The following MZT2B variants were observed in gnomAD, a reference collection of about 807,000 sequenced individuals.
The protein encoded by MZT2B is mitotic spindle organizing protein 2B.
A neutral mutation model predicts 12.1 loss-of-function variants in MZT2B; 11 were observed. The observed-to-expected ratio is 0.91, with a 90% CI of 0.57 to 1.50. The LOEUF (loss-of-function observed/expected upper bound fraction) is 1.50, where lower values mean the gene tolerates loss of function less well. MZT2B is among the 40% of genes most tolerant of loss of function. MZT2B has a pLI of 0.00. For missense variants in MZT2B, 209 were observed against 227.7 expected, an observed-to-expected ratio of 0.92 and a Z score of 0.53; for synonymous variants, 85 against 109.5, an observed-to-expected ratio of 0.78 and a Z score of 1.40.
chr2:130,191,761 T>C (rs931316421), downstream of MZT2B: 2 of 1,559,792 alleles, frequency 1.3e-6, no homozygotes, highest in African/African-American at 2.7e-5. Context: ...TTATACAGAA[T>C]CTTTAATTGC....
chr2:130,194,911 C>T (rs143628877), downstream of MZT2B, among the ~76,000 whole-genome samples: 104 of 152,274 alleles, frequency 6.8e-4, no homozygotes, highest in African/African-American at 2.4e-3. Context: ...CTCCTGACCT[C>T]AGGTAATCCA....
At chr2:130,181,746 A>G (rs1200684827), upstream of MZT2B, 1 of 1,547,964 alleles carries the variant, frequency 6.5e-7, no homozygotes, top group East Asian at 2.4e-5. Flanking sequence ...CGGGGGAGGG[A>G]GTGGTCCTTA....
chr2:130,182,575 G>T, intron 1 of MZT2B, 52 bp from the exon 2 acceptor site: 1 of 1,564,452 alleles, frequency 6.4e-7, no homozygotes, highest in Non-Finnish European at 8.6e-7. Context: ...CTTCAGGGAG[G>T]TGGCCGCGCC....
At chr2:130,181,854 C>T (rs746715754), upstream of MZT2B, 20 of 1,485,756 alleles carry the variant, frequency 1.3e-5, no homozygotes, top group African/African-American at 1.8e-5. Flanking sequence ...TTGATTAGTG[C>T]CCCCCCCTTC....
chr2:130,196,136 C>T, the MZT2B span: 1 of 1,606,576 alleles, frequency 6.2e-7, no homozygotes, highest in South Asian at 1.1e-5. Flanking sequence ...CCATCCAGTG[C>T]CCAGGCACCT....
downstream of MZT2B, chr2:130,194,124 C>T: frequency 3.1e-6 from 5 of 1,614,110 alleles, no homozygotes; most frequent in Non-Finnish European, 4.2e-6. Flanking sequence ...CGCAGGGAGG[C>T]CGTGATGGAG....
At chr2:130,193,538 G>A (rs1465675483), downstream of MZT2B, among the ~76,000 whole-genome samples, 2 of 150,858 alleles carry the variant, frequency 1.3e-5, no homozygotes, top group East Asian at 3.9e-4. Context: ...GAACCCGGGA[G>A]GCAGAGGTTG....
the MZT2B span, among the ~76,000 whole-genome samples, chr2:130,201,053 A>G: frequency 6.6e-6 from 1 of 152,240 alleles, no homozygotes; most frequent in Non-Finnish European, 1.5e-5. Context: ...CCCTCCTGAG[A>G]GGAGAGCAGA....
At chr2:130,198,121 C>T in the MZT2B span, among the ~76,000 whole-genome samples, 301 of 122,758 alleles carry the variant, frequency 2.5e-3, 66 homozygotes, top group African/African-American at 8.3e-3. Flanking sequence ...GACGGGATAC[C>T]GTCAATGGTC....
chr2:130,192,381 C>T (rs887606812), downstream of MZT2B, among the ~76,000 whole-genome samples: 2 of 152,184 alleles, frequency 1.3e-5, no homozygotes, highest in African/African-American at 4.8e-5. Flanking sequence ...GTACCTGTGA[C>T]ATGTGATAGG....
At chr2:130,200,413 A>G in the MZT2B span, among the ~76,000 whole-genome samples, 1 of 151,734 alleles carries the variant, frequency 6.6e-6, no homozygotes, top group African/African-American at 2.4e-5. Flanking sequence ...AAAGCTATTT[A>G]TTGTCTCTAC....
At chr2:130,198,676 C>A in the MZT2B span, among the ~76,000 whole-genome samples, 3 of 123,544 alleles carry the variant, frequency 2.4e-5, no homozygotes, top group Non-Finnish European at 3.6e-5. Flanking sequence ...ATTGGAACAG[C>A]TACTGCGCTG....
chr2:130,182,736 G>A lies in MZT2B; in HGVS notation c.280G>A (p.Ala94Thr). The A allele has an allele frequency of 6.5e-7, 1 of 1,528,892 alleles. No homozygotes were observed. Among genetic ancestry groups the A allele is most frequent in the African/African-American group, 1.4e-5 (1 of 72,802 alleles). The allele number at this position is 1,528,892 out of a possible 1,614,324, so 94.7% of individuals were successfully genotyped here. ...RLASEPQDPA[A>T]VSLPTSSVPE... is the part of the protein sequence containing the mutation. ...AGCGAGCGAGCCCCAGGACCCTGCG[G>A]CCGTGTCTCTGCCCACGTCGAGCGT... is the stretch of plus-strand genomic sequence containing the variant. The change falls in exon 2 of 3, where the codon GCC (alanine) becomes ACC (threonine). Residue 94 changes from alanine to threonine, a missense_variant. Coordinates refer to ENST00000281871, the MANE Select transcript of MZT2B (RefSeq NM_025029.5).
downstream of MZT2B, chr2:130,191,912 G>T: frequency 1.9e-6 from 3 of 1,614,058 alleles, no homozygotes; most frequent in Non-Finnish European, 2.5e-6. Flanking sequence ...GAGCTGCCAG[G>T]TCCTCGCGGG....
At chr2:130,194,942 T>C, downstream of MZT2B, 2 of 1,490,968 alleles carry the variant, frequency 1.3e-6, no homozygotes, top group South Asian at 2.6e-5. Flanking sequence ...CCTCTCAAAG[T>C]GCTGGGATTA....
the MZT2B span, among the ~76,000 whole-genome samples, chr2:130,201,216 G>A: frequency 1.3e-5 from 2 of 152,216 alleles, no homozygotes; most frequent in African/African-American, 4.8e-5. Context: ...ACGGAGTTCT[G>A]CCGACAGCTG....
At position 130,184,844 on chromosome 2, in the gene MZT2B, T is replaced by A. The variant is rs534154831; in HGVS notation, c.319+2069T>A. 157 of 985,212 alleles carry A rather than the reference T, an allele frequency of 1.6e-4. No individual in the cohort carries two copies. In the African/African-American group the frequency reaches 2.7e-3, roughly 17 times the overall value. The allele number at this position is 985,212 out of a possible 1,614,324, so 61.0% of individuals were successfully genotyped here. ...TGGCAGGGAAGTGAGATGATCACAC[T>A]CAGAGCCCAGTGAGAGGCAGTGAGG... On this transcript the variant is annotated intron_variant, in intron 2 of 2. Coordinates refer to ENST00000281871, the MANE Select transcript of MZT2B (RefSeq NM_025029.5).
chr2:130,181,870 G>T (rs1397208871), upstream of MZT2B: 1 of 789,150 alleles, frequency 1.3e-6, no homozygotes, highest in Non-Finnish European at 2.0e-6. Flanking sequence ...CCTTCCCCCC[G>T]CCCGCCCCGA....
chr2:130,203,683 A>C, the MZT2B span, among the ~76,000 whole-genome samples: 77 of 152,062 alleles, frequency 5.1e-4, no homozygotes, highest in East Asian at 0.012. Context: ...TCCTGGGCTC[A>C]AGTGATCCTC....
Sources: allele counts gnomAD v4.1 joint callset (sites outside exome capture counted in the v4.1 genomes callset), GRCh38; gene constraint gnomAD v4.1.1; transcripts MANE v1.5; gene names NCBI Gene and HGNC (gene_info 2026-07-23, HGNC 2026-07-21).